The following CTNNA1 variants were observed in gnomAD, a reference collection of about 807,000 sequenced individuals.
CTNNA1 encodes catenin alpha 1.
In CTNNA1, 37 loss-of-function variants were observed where a neutral mutation model predicts 98.4. The ratio of observed to expected loss-of-function variants is 0.38; its 90% CI spans 0.29 to 0.49. The LOEUF is 0.49. Ranked by LOEUF, CTNNA1 falls within the 20% of genes least tolerant of loss-of-function variation. CTNNA1 has a pLI of 0.95. For synonymous variants in CTNNA1, 404 were observed against 413.2 expected (o/e 0.98, Z 0.27); for missense variants, 761 against 1,147.2 (o/e 0.66, Z 4.86).
chr5:138,926,808 G>A (rs909046906), intron 13 of CTNNA1, among the ~76,000 whole-genome samples: 5 of 152,072 alleles, frequency 3.3e-5, no homozygotes, highest in African/African-American at 4.8e-5. Context: ...TGTGAAACAC[G>A]GGTGTGGCCT....
chr5:138,853,141 C>T (rs905134580), intron 7 of CTNNA1, among the ~76,000 whole-genome samples: 5 of 151,254 alleles, frequency 3.3e-5, no homozygotes, highest in Non-Finnish European at 4.4e-5. Context: ...AGCAGTTGTT[C>T]ATTATTACTT....
intron 7 of CTNNA1, among the ~76,000 whole-genome samples, chr5:138,851,290 G>A (rs145264219): frequency 8.8e-4 from 134 of 152,222 alleles, no homozygotes; most frequent in African/African-American, 3.2e-3. Flanking sequence ...CTGTCTGCAG[G>A]GCTTCTGGGG....
intron 10 of CTNNA1, 37 bp from the exon 11 acceptor site, chr5:138,917,705 A>G: frequency 1.2e-6 from 2 of 1,605,524 alleles, no homozygotes; most frequent in Non-Finnish European, 1.7e-6. Flanking sequence ...CATGACTCTG[A>G]AAAAGAGTAA....
At chr5:138,896,658 T>A (rs1429404107) in intron 9 of CTNNA1, among the ~76,000 whole-genome samples, 2 of 152,222 alleles carry the variant, frequency 1.3e-5, no homozygotes, top group African/African-American at 4.8e-5. Context: ...CATTTTCTTC[T>A]GTTCTGGAGT....
At chr5:138,765,947 CAAAAAAAAAAAAA>C (rs1026779147) in intron 1 of CTNNA1, among the ~76,000 whole-genome samples, 5 of 48,506 alleles carry the variant, frequency 1.0e-4, no homozygotes, top group Non-Finnish European at 1.3e-4. Flanking sequence ...GACTCTGTCT[CAAAAAAAAAAAAA>C]AAAAAAAAAA....
At chr5:138,877,342 C>A (rs981490926) in intron 7 of CTNNA1, among the ~76,000 whole-genome samples, 1 of 152,184 alleles carries the variant, frequency 6.6e-6, no homozygotes, top group Non-Finnish European at 1.5e-5. Flanking sequence ...CCGATTCCTA[C>A]AGGGTCTCTC....
chr5:138,891,592 T>C (rs1755368118), intron 9 of CTNNA1, among the ~76,000 whole-genome samples: 1 of 152,104 alleles, frequency 6.6e-6, no homozygotes, highest in Non-Finnish European at 1.5e-5. Flanking sequence ...AAACCCCATC[T>C]CTACCAAAAA....
intron 5 of CTNNA1, among the ~76,000 whole-genome samples, chr5:138,823,956 C>CAAAAAAAAAAAAAAAAA (rs369653057): frequency 4.7e-5 from 3 of 64,392 alleles, no homozygotes; most frequent in Non-Finnish European, 8.9e-5. Flanking sequence ...GACTCCGTCT[C>CAAAAAAAAAAAAAAAAA]AAAAAAAAAA....
chr5:138,806,099 A>G (rs927723030), intron 3 of CTNNA1, among the ~76,000 whole-genome samples: 10 of 152,210 alleles, frequency 6.6e-5, no homozygotes, highest in African/African-American at 1.9e-4. Context: ...ATTCTTTTGC[A>G]TATTGCACTT....
intron 7 of CTNNA1, among the ~76,000 whole-genome samples, chr5:138,853,562 G>A (rs1424272521): frequency 6.6e-6 from 1 of 151,478 alleles, no homozygotes; most frequent in African/African-American, 2.4e-5. Context: ...TTTGTTTTAT[G>A]GCTAGAGGAT....
chr5:138,828,985 A>G (rs886917883), intron 7 of CTNNA1, among the ~76,000 whole-genome samples: 5 of 152,138 alleles, frequency 3.3e-5, no homozygotes, highest in Non-Finnish European at 4.4e-5. Context: ...TTAACTGGGC[A>G]TGGTGGCGCA....
In CTNNA1 at chr5:138,898,877, G is replaced by A. The variant is rs1757451634; in HGVS notation, c.1297-5472G>A. On this transcript the variant is annotated intron_variant, in intron 9 of 17. Coordinates refer to ENST00000302763, the MANE Select transcript of CTNNA1 (RefSeq NM_001903.5). The stretch of plus-strand genomic sequence containing the variant: ...GTGGTTTCCACATTTTCCATAAGAT[G>A]AAAATATCTTGGTTTTTCTAAAGAA... Among the ~76,000 whole-genome samples the A allele has an allele frequency of 2.0e-5, 3 of 152,124 alleles. No homozygotes were observed. The South Asian group carries it at 6.2e-4, about 32-fold the overall frequency.
intron 5 of CTNNA1, 123 bp downstream of exon 5, chr5:138,812,425 A>G (rs1758928393): frequency 3.9e-6 from 4 of 1,029,776 alleles, no homozygotes; most frequent in Admixed American, 6.0e-5. Flanking sequence ...CCATTAAAAC[A>G]TTTAAACTAA....
At chr5:138,915,388 C>A (rs548481799) in intron 10 of CTNNA1, among the ~76,000 whole-genome samples, 27 of 152,260 alleles carry the variant, frequency 1.8e-4, no homozygotes, top group Non-Finnish European at 3.2e-4. Context: ...CACTTCAGAT[C>A]CACTAGCATG....
At chr5:138,769,846 ATTAT>A (rs1021731016) in intron 1 of CTNNA1, among the ~76,000 whole-genome samples, 1 of 130,596 alleles carries the variant, frequency 7.7e-6, no homozygotes. Flanking sequence ...TATTTTATTT[ATTAT>A]TTATTTATTT....
At chr5:138,778,857 CTT>C (rs1754707872) in intron 1 of CTNNA1, among the ~76,000 whole-genome samples, 1 of 151,954 alleles carries the variant, frequency 6.6e-6, no homozygotes, top group Non-Finnish European at 1.5e-5. Context: ...GGTTGGTAGT[CTT>C]TTATGAGGGA....
intron 9 of CTNNA1, among the ~76,000 whole-genome samples, chr5:138,893,632 G>A (rs288008): frequency 0.32 from 48,392 of 149,934 alleles, 7,990 homozygotes; most frequent in African/African-American, 0.41. Flanking sequence ...AAATTTATTT[G>A]TTTATTTTTG....
chr5:138,827,587 A>G lies in CTNNA1; in HGVS notation c.931A>G (p.Ser311Gly), dbSNP rs1581178351. 1 of 1,614,186 alleles carries G rather than the reference A, an allele frequency of 6.2e-7. No individual in the cohort carries two copies. The highest frequency in any genetic ancestry group is 8.5e-7 in the Non-Finnish European group (1 of 1,180,042). The change falls in exon 7 of 18, where the codon AGC (serine) becomes GGC (glycine). Residue 311 changes from serine (S) to glycine (G), a missense_variant. By Grantham distance (56) the Ser-to-Gly change is moderately conservative. Transcript: ENST00000302763. Reference protein sequence around the residue: ...FRPSLEERLESIISGAALMAD... With the variant: ...FRPSLEERLEGIISGAALMAD... ...GCCTTCCCTGGAGGAGCGTCTGGAAAGCATCATTAGTGGGGCTGCCTTGAT... is the reference window on the plus strand; with the variant it reads ...GCCTTCCCTGGAGGAGCGTCTGGAAGGCATCATTAGTGGGGCTGCCTTGAT...
chr5:138,906,300 A>G (rs1476613265), intron 10 of CTNNA1, among the ~76,000 whole-genome samples: 5 of 152,214 alleles, frequency 3.3e-5, no homozygotes, highest in Non-Finnish European at 5.9e-5. Context: ...GATATTTGCA[A>G]TGGATCCAAT....
Sources: gnomAD v4.1 joint callset for allele counts (sites outside exome capture counted in the v4.1 genomes callset) on GRCh38, gnomAD v4.1.1 for gene constraint, MANE v1.5 for transcripts, NCBI Gene and HGNC (gene_info 2026-07-23, HGNC 2026-07-21) for gene names.